The following PLD6 variants were observed in gnomAD, a reference collection of about 807,000 sequenced individuals.
PLD6 encodes the protein phospholipase D family member 6.
In PLD6, 10 loss-of-function variants were observed where a neutral mutation model predicts 9.7. The observed-to-expected ratio is 1.03, with a 90% CI of 0.64 to 1.75. The LOEUF (loss-of-function observed/expected upper bound fraction) is 1.75. Ranked by LOEUF, PLD6 falls within the 40% of genes most tolerant of loss-of-function variation. The pLI is 0.00. For missense variants in PLD6, 334 were observed against 347.6 expected (o/e 0.96, Z 0.31); for synonymous variants, 152 against 159.2 (o/e 0.96, Z 0.34).
In PLD6 at chr17:17,202,795, C is replaced by G. The variant is rs1243575205; in HGVS notation, c.731G>C (p.Cys244Ser). ...GGRLLSWHRTCGTSSESQT is the reference protein window; with the variant it reads ...GGRLLSWHRTSGTSSESQT Reference sequence around the variant, plus strand: ...GGTTTGGCTTTCGCTGGAGGTGCCGCAAGTTCTGTGCCATGAAAGCAATCT... The same window carrying G: ...GGTTTGGCTTTCGCTGGAGGTGCCGGAAGTTCTGTGCCATGAAAGCAATCT... Residue 244 changes from cysteine (C) to serine (S), a missense_variant, in exon 2 of 2, where the codon TGC becomes TCC. Coordinates refer to ENST00000321560, the MANE Select transcript of PLD6 (RefSeq NM_178836.4). The G allele has an allele frequency of 5.0e-6, 8 of 1,614,028 alleles. No homozygotes were observed. Among genetic ancestry groups the G allele is most frequent in the Non-Finnish European group, 6.8e-6 (8 of 1,179,948 alleles).
intron 1 of PLD6, among the ~76,000 whole-genome samples, chr17:17,204,897 T>G (rs2046703804): frequency 6.6e-6 from 1 of 152,164 alleles, no homozygotes; most frequent in Non-Finnish European, 1.5e-5. Flanking sequence ...GAGGCTGCTC[T>G]GAGGCCCAAG....
chr17:17,203,847 C>T (rs2046694688), intron 1 of PLD6, among the ~76,000 whole-genome samples: 1 of 152,180 alleles, frequency 6.6e-6, no homozygotes, highest in Non-Finnish European at 1.5e-5. Context: ...ACAGAACATC[C>T]AAGTTAAATG....
At position 17,202,834 on chromosome 17, in the gene PLD6, G is replaced by A. The variant is rs145591247; in HGVS notation, c.692C>T (p.Ser231Phe). 1,100 of 1,614,070 alleles carry A rather than the reference G, an allele frequency of 6.8e-4. 1 individual carries two copies. Among genetic ancestry groups the A allele is most frequent in the Non-Finnish European group, 8.6e-4 (1,012 of 1,180,054 alleles). ...TGAAAGCAATCTCCCTCCAGCTCTGGAGACAGGTGGGGCACAGCTTCCGTG... is the reference window on the plus strand; with the variant it reads ...TGAAAGCAATCTCCCTCCAGCTCTGAAGACAGGTGGGGCACAGCTTCCGTG... ...KSHGSCAPPV[S>F]RAGGRLLSWH... Residue 231 changes from serine (S) to phenylalanine (F), a missense_variant, in exon 2 of 2, where the codon TCC becomes TTC. Physicochemically the swap from Ser to Phe is radical, Grantham distance 155. Coordinates refer to ENST00000321560, the MANE Select transcript of PLD6 (RefSeq NM_178836.4).
Position 17,206,206 on chromosome 17 carries a change from C to T in PLD6, c.81G>A (p.Leu27=). The T allele has an allele frequency of 6.5e-7, 1 of 1,532,034 alleles. No homozygotes were observed. The highest frequency in any genetic ancestry group is 8.7e-7 in the Non-Finnish European group (1 of 1,149,166). 94.9% of individuals were successfully genotyped at this position (1,532,034 alleles called of 1,614,324 possible). Residue 27 remains leucine, a synonymous_variant, in exon 1 of 2, where the codon CTG becomes CTA. Transcript: ENST00000321560. ...GCCGCCGCCTGGACCGCAGCCAGCG[C>T]AGCACCCAAGGCAGCGCCTCCAGAG... ...ALTLEALPWV[L]RWLRSRRRRP...
chr17:17,200,999 A>C lies in PLD6; in HGVS notation c.*1768T>G, dbSNP rs539293512. 6.6e-6 allele frequency: 1 copy of C among 152,254 alleles called. No individual in the cohort carries two copies. The highest frequency in any genetic ancestry group is 2.4e-5 in the African/African-American group (1 of 41,550). The allele number at this position is 152,254 out of a possible 1,614,324, so 9.4% of individuals were successfully genotyped here. A position where few individuals can be genotyped will look rare whatever the true frequency, so the allele number is the denominator to read the frequency against. On this transcript the variant is annotated 3_prime_UTR_variant, in exon 2 of 2. Coordinates refer to ENST00000321560, the MANE Select transcript of PLD6 (RefSeq NM_178836.4). ...CAAAGACACCCAGCGCTCACATTCC[A>C]GAATAAGAACATGTTTATTCAGATG...
intron 1 of PLD6, 86 bp downstream of exon 1, chr17:17,205,774 A>G (rs1597563869): frequency 1.7e-5 from 23 of 1,385,890 alleles, no homozygotes; most frequent in East Asian, 5.2e-5. Flanking sequence ...CCGTCCCCAG[A>G]CCCCCTCCCC....
chr17:17,205,799 T>A (rs990907909), intron 1 of PLD6, 61 bp downstream of exon 1: 16 of 1,524,772 alleles, frequency 1.0e-5, no homozygotes, highest in Non-Finnish European at 1.3e-5. Flanking sequence ...TGTCCACCTT[T>A]GCGCCTAGGA....
Position 17,206,157 on chromosome 17 carries a change from A to G in PLD6, c.130T>C (p.Phe44Leu), listed in dbSNP as rs746713217. 3 of 1,504,378 alleles carry G rather than the reference A, an allele frequency of 2.0e-6. No homozygotes were observed. The highest frequency in any genetic ancestry group is 2.6e-6 in the Non-Finnish European group (3 of 1,133,760). The allele number at this position is 1,504,378 out of a possible 1,614,324, so 93.2% of individuals were successfully genotyped here. A position where few individuals can be genotyped will look rare whatever the true frequency, so the allele number is the denominator to read the frequency against. Residue 44 changes from phenylalanine to leucine, a missense_variant, in exon 1 of 2, where the codon TTC (phenylalanine) becomes CTC (leucine). Phe to Leu is a conservative substitution (Grantham distance 22). Coordinates refer to ENST00000321560, the MANE Select transcript of PLD6 (RefSeq NM_178836.4). ...RRRPRREALFFPSQVTCTEAL... is the reference protein window; with the variant it reads ...RRRPRREALFLPSQVTCTEAL... ...TCGGTACAGGTCACCTGAGACGGGA[A>G]GAACAGCGCCTCGCGCCGCGGCCGC... is the stretch of plus-strand genomic sequence containing the variant.
rs1413879439 is a variant in PLD6 at position 17,202,567 on chromosome 17, T to C, written c.*200A>G. The C allele has an allele frequency of 8.2e-6, 5 of 610,410 alleles. No individual in the cohort carries two copies. The African/African-American group carries it at 9.2e-5, about 11-fold the overall frequency. 37.8% of individuals were successfully genotyped at this position (610,410 alleles called of 1,614,324 possible). The stretch of plus-strand genomic sequence containing the variant: ...CCGTGGCAGGTCGTGACTGAAGTTA[T>C]TTTGGCAAAGGAGCAAGAAAAAGGT... On this transcript the variant is annotated 3_prime_UTR_variant, in exon 2 of 2. Coordinates refer to ENST00000321560, the MANE Select transcript of PLD6 (RefSeq NM_178836.4).
At position 17,205,999 on chromosome 17, in the gene PLD6, G is replaced by T; in HGVS notation, c.288C>A (p.Leu96=). ...GCGGGCTGGAGAAGGCGAACAGGCAGAGATCCAGGCTGGCGCGGGCGGCCA... is the reference window on the plus strand; with the variant it reads ...GCGGGCTGGAGAAGGCGAACAGGCATAGATCCAGGCTGGCGCGGGCGGCCA... ...ALLAARASLD[L]CLFAFSSPQL... Residue 96 remains leucine (L), a synonymous_variant, in exon 1 of 2, where the codon CTC becomes CTA. Transcript: ENST00000321560. The T allele has an allele frequency of 6.4e-7, 1 of 1,550,642 alleles. No homozygotes were observed.
rs866649969 is a variant in PLD6, at chr17:17,206,270, C to T, written c.17G>A (p.Trp6Ter). 2.6e-6 allele frequency: 4 copies of T among 1,543,828 alleles called. No individual in the cohort carries two copies. Among genetic ancestry groups the T allele is most frequent in the Non-Finnish European group, 3.5e-6 (4 of 1,156,366 alleles). ...CACAGCCGCCGCGGCCGCCACCTGC[C>T]AACTCAACCGTCCCATGCCGCCGCT... The part of the protein sequence containing the change: MGRLS[W>*]QVAAAAAVGL... The change falls in exon 1 of 2, where the codon TGG becomes TAG. Residue 6 changes from tryptophan (W) to a stop codon, truncating the protein, a stop_gained. Coordinates refer to ENST00000321560, the MANE Select transcript of PLD6 (RefSeq NM_178836.4). LOFTEE classifies it high-confidence loss of function.
intron 1 of PLD6, among the ~76,000 whole-genome samples, chr17:17,204,747 T>C (rs2046702757): frequency 6.6e-6 from 1 of 152,114 alleles, no homozygotes; most frequent in African/African-American, 2.4e-5. Flanking sequence ...GACCAACACA[T>C]GGGAGGACAG....
Position 17,206,065 on chromosome 17 carries a change from G to A in PLD6, c.222C>T (p.Pro74=). 6.6e-7 allele frequency: 1 copy of A among 1,515,178 alleles called. No individual in the cohort carries two copies. Among genetic ancestry groups the A allele is most frequent in the Non-Finnish European group, 8.8e-7 (1 of 1,138,034 alleles). 93.9% of individuals were successfully genotyped at this position (1,515,178 alleles called of 1,614,324 possible). ...ELPEGCPCGL[P]HGESALSRLL... ...GGCGGCTTAGCGCGCTCTCGCCGTG[G>A]GGCAGGCCGCACGGGCAGCCCTCGG... The change falls in exon 1 of 2, where the codon CCC becomes CCT. Residue 74 remains proline (P), a synonymous_variant. Coordinates refer to ENST00000321560, the MANE Select transcript of PLD6 (RefSeq NM_178836.4).
In PLD6 at chr17:17,202,871, G is replaced by A. The variant is rs778989094; in HGVS notation, c.655C>T (p.Pro219Ser). The part of the protein sequence containing the change: ...FNPTKYTFFP[P>S]KKSHGSCAPP... ...GCACAGCTTCCGTGACTTTTCTTTGGTGGGAAAAAGGTATACTTTGTAGGG... is the reference window on the plus strand; with the variant it reads ...GCACAGCTTCCGTGACTTTTCTTTGATGGGAAAAAGGTATACTTTGTAGGG... The change falls in exon 2 of 2, where the codon CCA becomes TCA. Residue 219 changes from proline (P) to serine (S), a missense_variant. Transcript: ENST00000321560. 4.3e-6 allele frequency: 7 copies of A among 1,614,014 alleles called. No homozygotes were observed. The African/African-American group carries it at 9.3e-5, about 22-fold the overall frequency.
Position 17,205,913 on chromosome 17 carries a change from T to A in PLD6, c.374A>T (p.Asp125Val). ...GCCGTTGAGGGCCATGTAGTCGCAG[T>A]CGGTGACGACCCGCACTCGCACCCC... ...QRGVRVRVVTDCDYMALNGSQ... is the reference protein window; with the variant it reads ...QRGVRVRVVTVCDYMALNGSQ... The change falls in exon 1 of 2, where the codon GAC (aspartate) becomes GTC (valine). Residue 125 changes from aspartate (D) to valine (V), a missense_variant. Asp to Val is a radical substitution (Grantham distance 152). Transcript: ENST00000321560. The A allele has an allele frequency of 6.4e-7, 1 of 1,573,094 alleles. No individual in the cohort carries two copies. Among genetic ancestry groups the A allele is most frequent in the Non-Finnish European group, 8.6e-7 (1 of 1,160,038 alleles).
rs1021774722 is a variant in PLD6, at chr17:17,205,891, G to A, written c.396C>T (p.Asn132=). The A allele has an allele frequency of 5.7e-6, 9 of 1,576,402 alleles. No homozygotes were observed. Among genetic ancestry groups the A allele is most frequent in the African/African-American group, 1.3e-5 (1 of 74,316 alleles). Residue 132 remains asparagine (N), a synonymous_variant, in exon 1 of 2, where the codon AAC becomes AAT. Coordinates refer to ENST00000321560, the MANE Select transcript of PLD6 (RefSeq NM_178836.4). The part of the protein sequence containing the change: ...VVTDCDYMAL[N]GSQIGLLRKA... ...TGCGCAGCAGACCGATTTGCGAGCC[G>A]TTGAGGGCCATGTAGTCGCAGTCGG... is the stretch of plus-strand genomic sequence containing the variant.
intron 1 of PLD6, among the ~76,000 whole-genome samples, chr17:17,203,709 G>A (rs1268291909): frequency 6.6e-6 from 1 of 152,192 alleles, no homozygotes; most frequent in African/African-American, 2.4e-5. Flanking sequence ...GCCTGTGTCT[G>A]TCTCCCCTGG....
At position 17,206,120 on chromosome 17, in the gene PLD6, C is replaced by A; in HGVS notation, c.167G>T (p.Arg56Leu). 6.7e-7 allele frequency: 1 copy of A among 1,485,540 alleles called. No homozygotes were observed. Among genetic ancestry groups the A allele is most frequent in the Admixed American group, 2.4e-5 (1 of 41,368 alleles). The allele number at this position is 1,485,540 out of a possible 1,614,324, so 92.0% of individuals were successfully genotyped here. Residue 56 changes from arginine (R) to leucine (L), a missense_variant, in exon 1 of 2, where the codon CGG (arginine) becomes CTG (leucine). Coordinates refer to ENST00000321560, the MANE Select transcript of PLD6 (RefSeq NM_178836.4). ...SQVTCTEALL[R>L]APGAELAELP... ...CTCGGCCAGCTCCGCGCCCGGAGCCCGCAGCAGGGCCTCGGTACAGGTCAC... is the reference window on the plus strand; with the variant it reads ...CTCGGCCAGCTCCGCGCCCGGAGCCAGCAGCAGGGCCTCGGTACAGGTCAC...
chr17:17,205,985 A>T lies in PLD6; in HGVS notation c.302T>A (p.Phe101Tyr). The T allele has an allele frequency of 6.4e-7, 1 of 1,553,426 alleles. No homozygotes were observed. Residue 101 changes from phenylalanine (F) to tyrosine (Y), a missense_variant, in exon 1 of 2, where the codon TTC becomes TAC. Physicochemically the swap from Phe to Tyr is conservative, Grantham distance 22 (BLOSUM62 3). Coordinates refer to ENST00000321560, the MANE Select transcript of PLD6 (RefSeq NM_178836.4). ...RASLDLCLFA[F>Y]SSPQLGRAVQ... ...GGCGCGGCCCAGCTGCGGGCTGGAG[A>T]AGGCGAACAGGCAGAGATCCAGGCT...
Sources: allele counts gnomAD v4.1 joint callset (sites outside exome capture counted in the v4.1 genomes callset), GRCh38; gene constraint gnomAD v4.1.1; transcripts MANE v1.5; gene names NCBI Gene and HGNC (gene_info 2026-07-23, HGNC 2026-07-21).